The following CEP83 variants were observed in gnomAD, a reference collection of about 807,000 sequenced individuals.
CEP83 encodes the protein centrosomal protein of 83 kDa.
A neutral mutation model predicts 101.9 loss-of-function variants in CEP83; 70 were observed. The ratio of observed to expected loss-of-function variants is 0.69; its 90% CI spans 0.57 to 0.84. CEP83 has a LOEUF of 0.84. Among genes scored for constraint, CEP83 ranks in the 40% least tolerant of loss-of-function variants. CEP83 has a pLI of 0.00. For missense variants in CEP83, 715 were observed against 787.2 expected (o/e 0.91, Z 1.10); for synonymous variants, 264 against 267.9 (o/e 0.99, Z 0.14).
chr12:94,370,305 A>G (rs910688111), intron 8 of CEP83, among the ~76,000 whole-genome samples: 4 of 152,236 alleles, frequency 2.6e-5, no homozygotes, highest in African/African-American at 4.8e-5. Context: ...AGACTTAATT[A>G]CAAGTATCTA....
intron 4 of CEP83, among the ~76,000 whole-genome samples, chr12:94,410,857 G>C (rs1212873027): frequency 6.6e-6 from 1 of 152,122 alleles, no homozygotes; most frequent in East Asian, 1.9e-4. Flanking sequence ...TCCCAGCAAT[G>C]GTAGATTTGA....
the CEP83 span, chr12:94,282,097 G>C: frequency 2.0e-6 from 1 of 510,812 alleles, no homozygotes; most frequent in South Asian, 2.3e-5. Flanking sequence ...GGGAAGAAGT[G>C]GTTTGAAACA....
intron 1 of CEP83, among the ~76,000 whole-genome samples, chr12:94,438,060 T>C (rs2066123247): frequency 6.6e-6 from 1 of 151,224 alleles, no homozygotes; most frequent in Non-Finnish European, 1.5e-5. Context: ...CTACTAAAAA[T>C]ACAAAAAAAT....
chr12:94,333,527 C>G lies in CEP83; in HGVS notation c.1532G>C (p.Arg511Pro), dbSNP rs587777487. 1.4e-5 allele frequency: 22 copies of G among 1,613,342 alleles called. No individual in the cohort carries two copies. Among genetic ancestry groups the G allele is most frequent in the African/African-American group, 5.3e-5 (4 of 74,886 alleles). Reference sequence around the variant, plus strand: ...TTTTTCAGCTTGGCTTCTAAAATTTCGGCATTCTTGTTTTAATCTCTCCAC... The same window carrying G: ...TTTTTCAGCTTGGCTTCTAAAATTTGGGCATTCTTGTTTTAATCTCTCCAC... ...EMVERLKQEC[R>P]NFRSQAEKAQ... The change falls in exon 13 of 17, where the codon CGA (arginine) becomes CCA (proline). Residue 511 changes from arginine (R) to proline (P), a missense_variant. Physicochemically the swap from Arg to Pro is moderately radical, Grantham distance 103 (BLOSUM62 -2). Coordinates refer to ENST00000397809, the MANE Select transcript of CEP83 (RefSeq NM_016122.3).
the CEP83 span, among the ~76,000 whole-genome samples, chr12:94,280,780 G>A: frequency 6.6e-5 from 10 of 152,226 alleles, no homozygotes; most frequent in South Asian, 2.1e-4. Flanking sequence ...TACCCCGCCC[G>A]ACAGTCTTGG....
intron 2 of CEP83, chr12:94,424,047 G>A: frequency 6.2e-7 from 1 of 1,611,950 alleles, no homozygotes; most frequent in Admixed American, 1.7e-5. Context: ...GAATGGTGGT[G>A]CATCCAGGAT....
chr12:94,399,946 G>T (rs543193247), intron 6 of CEP83, among the ~76,000 whole-genome samples: 1 of 152,208 alleles, frequency 6.6e-6, no homozygotes, highest in South Asian at 2.1e-4. Flanking sequence ...AAACACTCAT[G>T]GCACTTTGCT....
intron 11 of CEP83, among the ~76,000 whole-genome samples, chr12:94,351,219 C>T (rs1468186548): frequency 6.6e-6 from 1 of 152,132 alleles, no homozygotes; most frequent in Non-Finnish European, 1.5e-5. Context: ...TTAGCAATCC[C>T]TAATACCACT....
downstream of CEP83, chr12:94,303,659 T>A (rs1968691716): frequency 9.1e-7 from 1 of 1,099,216 alleles, no homozygotes; most frequent in Non-Finnish European, 1.2e-6. Context: ...GTGGTGGGGG[T>A]TCAGCTACAT....
chr12:94,312,754 TA>T, intron 15 of CEP83, 159 bp downstream of exon 15: 2 of 983,472 alleles, frequency 2.0e-6, no homozygotes, highest in South Asian at 4.7e-5. Flanking sequence ...AACATTCAGT[TA>T]GGGGGTAAAA....
chr12:94,289,808 A>C, the CEP83 span, among the ~76,000 whole-genome samples: 5 of 152,246 alleles, frequency 3.3e-5, no homozygotes, highest in Admixed American at 2.6e-4. Flanking sequence ...TTCCAGCTCT[A>C]GAGCAGCTGT....
intron 14 of CEP83, among the ~76,000 whole-genome samples, chr12:94,326,296 T>C (rs1276753383): frequency 6.6e-6 from 1 of 152,140 alleles, no homozygotes; most frequent in African/African-American, 2.4e-5. Flanking sequence ...TCCTTTACAA[T>C]AAACTGGTAA....
At chr12:94,449,071 C>G (rs1257852529) in intron 1 of CEP83, among the ~76,000 whole-genome samples, 1 of 136,688 alleles carries the variant, frequency 7.3e-6, no homozygotes, top group Admixed American at 7.1e-5. Context: ...ATAAGAGATA[C>G]AAATTACCAA....
At chr12:94,286,643 T>TAC in the CEP83 span, among the ~76,000 whole-genome samples, 49 of 131,692 alleles carry the variant, frequency 3.7e-4, no homozygotes, top group African/African-American at 1.3e-3. Flanking sequence ...AAAAAAAAAA[T>TAC]TCATTTAAAA....
Position 94,375,958 on chromosome 12 carries a change from G to T in CEP83, c.861C>A (p.Ser287Arg). 6.4e-7 allele frequency: 1 copy of T among 1,562,902 alleles called. No individual in the cohort carries two copies. The highest frequency in any genetic ancestry group is 8.7e-7 in the Non-Finnish European group (1 of 1,146,088). ...TAATTAAAAAGGTATTTTGTTCACTGCTTGATTGTAGCTCTTTTTCCAAAC... is the reference window on the plus strand; with the variant it reads ...TAATTAAAAAGGTATTTTGTTCACTTCTTGATTGTAGCTCTTTTTCCAAAC... ...AERLEKELQS[S>R]SEQNTFLINK... The change falls in exon 8 of 17, where the codon AGC becomes AGA. Residue 287 changes from serine to arginine, a missense_variant. Transcript: ENST00000397809.
At chr12:94,410,853 C>T (rs1030913461) in intron 4 of CEP83, among the ~76,000 whole-genome samples, 8 of 152,060 alleles carry the variant, frequency 5.3e-5, no homozygotes, top group African/African-American at 1.9e-4. Flanking sequence ...GTGTTCCCAG[C>T]AATGGTAGAT....
the CEP83 span, among the ~76,000 whole-genome samples, chr12:94,281,413 G>C: frequency 6.6e-6 from 1 of 152,182 alleles, no homozygotes; most frequent in Non-Finnish European, 1.5e-5. Flanking sequence ...TCAGCCGCCT[G>C]GGACTACAGA....
chr12:94,312,621 A>G, intron 15 of CEP83: 1 of 985,426 alleles, frequency 1.0e-6, no homozygotes, highest in Non-Finnish European at 1.2e-6. Context: ...CAATAGCTAC[A>G]ACTGTCTTGT....
chr12:94,409,552 AAG>A (rs2063753983), intron 4 of CEP83, among the ~76,000 whole-genome samples: 2 of 152,340 alleles, frequency 1.3e-5, no homozygotes, highest in South Asian at 2.1e-4. Context: ...GCAGAAAATG[AAG>A]AGAGTCCTGT....
Sources: gnomAD v4.1 joint callset for allele counts (sites outside exome capture counted in the v4.1 genomes callset) on GRCh38, gnomAD v4.1.1 for gene constraint, MANE v1.5 for transcripts, NCBI Gene and HGNC (gene_info 2026-07-23, HGNC 2026-07-21) for gene names.